RGPD2: variants seen among roughly 807,000 people sequenced by gnomAD.
RGPD2 encodes the protein RANBP2 like and GRIP domain containing 2.
Under a neutral mutation model 36.0 loss-of-function variants are expected in RGPD2, and 2 were observed. The ratio of observed to expected loss-of-function variants is 0.06; its 90% CI spans 0.02 to 0.17. The LOEUF (loss-of-function observed/expected upper bound fraction) is 0.17. Among genes scored for constraint, RGPD2 ranks in the 10% least tolerant of loss-of-function variants. RGPD2 has a pLI of 1.00. For synonymous variants in RGPD2, 19 were observed against 163.8 expected, an observed-to-expected ratio of 0.12 and a Z score of 6.75; for missense variants, 40 against 464.3, an observed-to-expected ratio of 0.09 and a Z score of 8.40.
At chr2:87,827,243 A>G (rs1256249052), upstream of RGPD2, among the ~76,000 whole-genome samples, 1 of 152,248 alleles carries the variant, frequency 6.6e-6, no homozygotes, top group Non-Finnish European at 1.5e-5. Context: ...CCCGTTGAGA[A>G]TGTTTATATT....
At chr2:87,853,461 C>T in the RGPD2 span, among the ~76,000 whole-genome samples, 230 of 151,466 alleles carry the variant, frequency 1.5e-3, no homozygotes, top group Non-Finnish European at 2.4e-3. Context: ...TAGCCTCAAG[C>T]GGTCCTCTCA....
chr2:87,964,507 C>T, the RGPD2 span, among the ~76,000 whole-genome samples: 17 of 152,122 alleles, frequency 1.1e-4, no homozygotes. Flanking sequence ...AAAGTTTATG[C>T]CCACTCTGTG....
the RGPD2 span, among the ~76,000 whole-genome samples, chr2:87,901,241 CT>C: frequency 7.1e-6 from 1 of 141,066 alleles, no homozygotes; most frequent in Non-Finnish European, 1.5e-5. Flanking sequence ...AAAGTTGTAT[CT>C]AATTTCCAAG....
chr2:87,852,792 C>T, the RGPD2 span, among the ~76,000 whole-genome samples: 1 of 152,270 alleles, frequency 6.6e-6, no homozygotes, highest in South Asian at 2.1e-4. Context: ...GGGCGTTTTC[C>T]CTAACTATTT....
chr2:87,871,650 G>A, the RGPD2 span, among the ~76,000 whole-genome samples: 5 of 152,218 alleles, frequency 3.3e-5, 1 homozygote, highest in South Asian at 1.0e-3. Context: ...CAGATTACCC[G>A]AGATTGGGAA....
At chr2:87,984,802 C>A in the RGPD2 span, among the ~76,000 whole-genome samples, 1 of 151,426 alleles carries the variant, frequency 6.6e-6, no homozygotes, top group Non-Finnish European at 1.5e-5. Flanking sequence ...TGGTGGCGGG[C>A]GCCTGTAGTC....
At chr2:87,919,888 A>C in the RGPD2 span, among the ~76,000 whole-genome samples, 1 of 151,916 alleles carries the variant, frequency 6.6e-6, no homozygotes, top group African/African-American at 2.4e-5. Context: ...TAAAGTACAC[A>C]ATTTAAAATG....
At chr2:87,854,723 T>C in the RGPD2 span, among the ~76,000 whole-genome samples, 1 of 152,094 alleles carries the variant, frequency 6.6e-6, no homozygotes, top group Non-Finnish European at 1.5e-5. Flanking sequence ...CATCCCTTTT[T>C]ATCACTAAAG....
At chr2:87,984,938 A>G in the RGPD2 span, among the ~76,000 whole-genome samples, 2 of 149,528 alleles carry the variant, frequency 1.3e-5, no homozygotes, top group African/African-American at 4.9e-5. Flanking sequence ...TCAAAAAAAA[A>G]AAAAAAAAAA....
At chr2:87,947,535 C>T in the RGPD2 span, among the ~76,000 whole-genome samples, 1 of 152,092 alleles carries the variant, frequency 6.6e-6, no homozygotes, top group Non-Finnish European at 1.5e-5. Context: ...GTTTTCTTCC[C>T]CAAGAAAGCT....
Position 87,783,173 on chromosome 2 carries a change from A to C in RGPD2, c.3851T>G (p.Phe1284Cys). The C allele has an allele frequency of 2.2e-6, 3 of 1,345,230 alleles. No homozygotes were observed. The highest frequency in any genetic ancestry group is 3.1e-6 in the Non-Finnish European group (3 of 980,112). The allele number at this position is 1,345,230 out of a possible 1,614,324, so 83.3% of individuals were successfully genotyped here. Residue 1284 changes from phenylalanine (F) to cysteine (C), a missense_variant, in exon 20 of 23, where the codon TTT becomes TGT. Coordinates refer to ENST00000398146, the MANE Select transcript of RGPD2 (RefSeq NM_001078170.3). ...CAAAGCAGATTTAAAACTGAAGTTA[A>C]ATCCTGTTGTTGACTCATCAAAGCG... ...IFRFDESTTG[F>C]NFSFKSALSL... is the part of the protein sequence containing the mutation.
At chr2:87,758,940 ATAT>A (rs1350498978) in intron 22 of RGPD2, 29 of 468,290 alleles carry the variant, frequency 6.2e-5, no homozygotes, top group Middle Eastern at 6.5e-4. Context: ...TCCCACAGGG[ATAT>A]TATTAATAAT....
At chr2:87,883,027 G>A in the RGPD2 span, among the ~76,000 whole-genome samples, 26,019 of 151,138 alleles carry the variant, frequency 0.17, 850 homozygotes, top group East Asian at 0.35. Flanking sequence ...TGACAAATCC[G>A]AAAGACTCTA....
chr2:87,805,660 C>A (rs1685916778), intron 7 of RGPD2, among the ~76,000 whole-genome samples: 1 of 152,124 alleles, frequency 6.6e-6, no homozygotes. Flanking sequence ...GAGATTGAGA[C>A]CATCCTGGCT....
chr2:87,984,937 A>G, the RGPD2 span, among the ~76,000 whole-genome samples: 1,225 of 148,390 alleles, frequency 8.3e-3, 22 homozygotes, highest in African/African-American at 0.029. Context: ...CTCAAAAAAA[A>G]AAAAAAAAAA....
At chr2:87,915,708 A>C in the RGPD2 span, among the ~76,000 whole-genome samples, 1 of 148,300 alleles carries the variant, frequency 6.7e-6, no homozygotes, top group East Asian at 2.0e-4. Flanking sequence ...ATCTCCAAAC[A>C]GTATGTTTAA....
At chr2:87,979,230 TCCCCCTC>T in the RGPD2 span, among the ~76,000 whole-genome samples, 820 of 133,968 alleles carry the variant, frequency 6.1e-3, 8 homozygotes, top group African/African-American at 0.017. Context: ...CAAGACTCTG[TCCCCCTC>T]CCCCAAAAAA....
chr2:87,913,043 A>C, the RGPD2 span, among the ~76,000 whole-genome samples: 2 of 152,178 alleles, frequency 1.3e-5, no homozygotes, highest in African/African-American at 4.8e-5. Flanking sequence ...AGCTGTCAAA[A>C]TTATGTAAAT....
the RGPD2 span, among the ~76,000 whole-genome samples, chr2:87,842,287 A>G: frequency 6.8e-6 from 1 of 147,750 alleles, no homozygotes; most frequent in Non-Finnish European, 1.5e-5. Context: ...TTTGCAGATG[A>G]CATGACTGTA....
Sources: gnomAD v4.1 joint callset for allele counts (sites outside exome capture counted in the v4.1 genomes callset) on GRCh38, gnomAD v4.1.1 for gene constraint, MANE v1.5 for transcripts, NCBI Gene and HGNC (gene_info 2026-07-23, HGNC 2026-07-21) for gene names.